AK3: variants seen among roughly 807,000 people sequenced by gnomAD.
The protein encoded by AK3 is adenylate kinase 3, also known as GTP:AMP phosphotransferase AK3, mitochondrial.
In AK3, 27 loss-of-function variants were observed where a neutral mutation model predicts 23.7. The ratio of observed to expected loss-of-function variants is 1.14; its 90% CI spans 0.84 to 1.57. The LOEUF is 1.57. AK3 is among the 40% of genes most tolerant of loss of function. The pLI is 0.00. For missense variants in AK3, 406 were observed against 285.6 expected, an observed-to-expected ratio of 1.42 and a Z score of -3.04; for synonymous variants, 159 against 116.0, an observed-to-expected ratio of 1.37 and a Z score of -2.38.
At chr9:4,728,866 T>TACACACACACACACACACAC (rs57364192) in intron 1 of AK3, among the ~76,000 whole-genome samples, 38 of 87,798 alleles carry the variant, frequency 4.3e-4, no homozygotes, top group Non-Finnish European at 6.3e-4. Flanking sequence ...TATATATATA[T>TACACACACACACACACACAC]ACACACACAC....
intron 1 of AK3, among the ~76,000 whole-genome samples, chr9:4,733,063 G>A (rs1842192031): frequency 6.6e-6 from 1 of 151,644 alleles, no homozygotes; most frequent in South Asian, 2.1e-4. Context: ...TGCCCAGGCT[G>A]GTCTCAAACT....
At chr9:4,734,349 G>A (rs547914665) in intron 1 of AK3, among the ~76,000 whole-genome samples, 68 of 152,020 alleles carry the variant, frequency 4.5e-4, no homozygotes, top group African/African-American at 1.2e-3. Flanking sequence ...ATTGTGTTAC[G>A]GCAGCCTGAG....
chr9:4,731,303 T>C (rs1045463697), intron 1 of AK3, among the ~76,000 whole-genome samples: 3 of 152,104 alleles, frequency 2.0e-5, no homozygotes, highest in Admixed American at 6.6e-5. Flanking sequence ...CTAGTGTGAA[T>C]TGTTCCCTCT....
intron 4 of AK3, among the ~76,000 whole-genome samples, chr9:4,715,328 T>C (rs555192901): frequency 1.3e-5 from 2 of 149,470 alleles, no homozygotes; most frequent in South Asian, 4.3e-4. Context: ...CTAAAATATC[T>C]CCTAAGACAG....
intron 4 of AK3, among the ~76,000 whole-genome samples, chr9:4,715,679 G>C (rs190861133): frequency 6.6e-6 from 1 of 152,134 alleles, no homozygotes; most frequent in Non-Finnish European, 1.5e-5. Context: ...TTACAGGCAT[G>C]AGCCACTGTC....
intron 1 of AK3, among the ~76,000 whole-genome samples, chr9:4,724,150 C>T (rs1053939513): frequency 1.3e-5 from 2 of 152,176 alleles, no homozygotes; most frequent in African/African-American, 4.8e-5. Flanking sequence ...AGATGGAGAG[C>T]TCAGGACTCA....
intron 1 of AK3, among the ~76,000 whole-genome samples, chr9:4,727,827 T>C (rs1842052940): frequency 6.6e-6 from 1 of 152,342 alleles, no homozygotes; most frequent in African/African-American, 2.4e-5. Context: ...AAGTGAGAGA[T>C]GTGCCACTCT....
intron 4 of AK3, among the ~76,000 whole-genome samples, chr9:4,713,904 GCCTAC>G (rs1841630294): frequency 1.1e-3 from 1 of 902 alleles, no homozygotes; most frequent in Non-Finnish European, 2.6e-3. Context: ...GTACACCTAC[GCCTAC>G]ACATATACAC....
At chr9:4,741,311 C>A (rs1316795351), upstream of AK3, 5 of 417,046 alleles carry the variant, frequency 1.2e-5, no homozygotes, top group Non-Finnish European at 2.0e-5. Flanking sequence ...GCACCCCCCG[C>A]CCCCGACCGA....
chr9:4,736,175 A>G (rs2130913293), intron 1 of AK3, among the ~76,000 whole-genome samples: 1 of 152,126 alleles, frequency 6.6e-6, no homozygotes, highest in African/African-American at 2.4e-5. Flanking sequence ...TGAATATATT[A>G]AAGTCCACTG....
Position 4,710,639 on chromosome 9 carries a change from G to C in AK3, c.*2337C>G, listed in dbSNP as rs1385701741. 6.6e-6 allele frequency: 1 copy of C among 152,062 alleles called. No homozygotes were observed. Among genetic ancestry groups the C allele is most frequent in the African/African-American group, 2.4e-5 (1 of 41,386 alleles). The allele number at this position is 152,062 out of a possible 1,614,324, so 9.4% of individuals were successfully genotyped here. A position where few individuals can be genotyped will look rare whatever the true frequency, so the allele number is the denominator to read the frequency against. ...GGTCATTACAGAATTATTTTTTTGG[G>C]TGGGGGCAGTGGCTTACACCTGTAA... On this transcript the variant is annotated 3_prime_UTR_variant, in exon 5 of 5. Coordinates refer to ENST00000381809, the MANE Select transcript of AK3 (RefSeq NM_016282.4).
At chr9:4,716,306 T>A (rs1225207843) in intron 4 of AK3, among the ~76,000 whole-genome samples, 1 of 152,202 alleles carries the variant, frequency 6.6e-6, no homozygotes, top group African/African-American at 2.4e-5. Flanking sequence ...CTGGATCTAA[T>A]TGTCCATGTG....
chr9:4,732,909 G>T (rs1393245907), intron 1 of AK3, among the ~76,000 whole-genome samples: 1 of 149,366 alleles, frequency 6.7e-6, no homozygotes, highest in East Asian at 2.0e-4. Flanking sequence ...GCAGTGGCAT[G>T]ATTATAACTC....
intron 1 of AK3, among the ~76,000 whole-genome samples, chr9:4,725,280 G>C (rs1437967289): frequency 1.3e-5 from 2 of 151,400 alleles, no homozygotes; most frequent in East Asian, 2.0e-4. Flanking sequence ...GCCTCCCAAA[G>C]TGCTGGGATT....
rs977089245 is a variant in AK3, at chr9:4,712,931, AGGAG to A, written c.*41_*44del. The A allele has an allele frequency of 1.3e-6, 2 of 1,596,218 alleles. No homozygotes were observed. Among genetic ancestry groups the A allele is most frequent in the Admixed American group, 1.7e-5 (1 of 58,480 alleles). ...AAAGCAGCTTCTAAATGCAAGGACT[AGGAG>A]GTTTGCCCATCTTACTATTAATAGT... On this transcript the variant is annotated 3_prime_UTR_variant, in exon 5 of 5. Transcript: ENST00000381809.
At chr9:4,730,804 G>T (rs925444706) in intron 1 of AK3, among the ~76,000 whole-genome samples, 1 of 152,068 alleles carries the variant, frequency 6.6e-6, no homozygotes, top group South Asian at 2.1e-4. Flanking sequence ...TGATGAGAAA[G>T]AATTGTTATT....
rs1390938907 is a variant in AK3 at position 4,711,497 on chromosome 9, A to T, written c.*1479T>A. ...GATCGATGAATTTTTTAAATATCAG[A>T]AGAAAAGGGAAATAAAATTTTCCCC... On this transcript the variant is annotated 3_prime_UTR_variant, in exon 5 of 5. Transcript: ENST00000381809. The T allele has an allele frequency of 6.6e-6, 1 of 152,640 alleles. No homozygotes were observed. Among genetic ancestry groups the T allele is most frequent in the East Asian group, 1.9e-4 (1 of 5,204 alleles). 9.5% of individuals were successfully genotyped at this position (152,640 alleles called of 1,614,324 possible).
Position 4,710,587 on chromosome 9 carries a change from T to G in AK3, c.*2389A>C, listed in dbSNP as rs376281489. ...TGGCATTCAGCTCCATACATGTATTTCCATGTGGTACATAAATCTTAATGA... is the reference window on the plus strand; with the variant it reads ...TGGCATTCAGCTCCATACATGTATTGCCATGTGGTACATAAATCTTAATGA... On this transcript the variant is annotated 3_prime_UTR_variant, in exon 5 of 5. Coordinates refer to ENST00000381809, the MANE Select transcript of AK3 (RefSeq NM_016282.4). 17 of 152,206 alleles carry G rather than the reference T, an allele frequency of 1.1e-4. No individual in the cohort carries two copies. The East Asian group carries it at 2.9e-3, about 26-fold the overall frequency. The allele number at this position is 152,206 out of a possible 1,614,324, so 9.4% of individuals were successfully genotyped here. A position where few individuals can be genotyped will look rare whatever the true frequency, so the allele number is the denominator to read the frequency against.
At chr9:4,721,464 TC>T (rs1416869377) in intron 2 of AK3, among the ~76,000 whole-genome samples, 1 of 150,820 alleles carries the variant, frequency 6.6e-6, no homozygotes, top group Non-Finnish European at 1.5e-5. Flanking sequence ...CACATCAACT[TC>T]TTTTTTTTTT....
Sources: allele counts gnomAD v4.1 joint callset (sites outside exome capture counted in the v4.1 genomes callset), GRCh38; gene constraint gnomAD v4.1.1; transcripts MANE v1.5; gene names NCBI Gene and HGNC (gene_info 2026-07-23, HGNC 2026-07-21).